SLC9B1: variants seen among roughly 807,000 people sequenced by gnomAD.
SLC9B1 encodes the protein sodium/hydrogen exchanger 9B1.
In SLC9B1, 32 loss-of-function variants were observed where a neutral mutation model predicts 51.7. That is an observed-to-expected ratio of 0.62 (90% CI 0.47 to 0.83). The LOEUF is 0.83. SLC9B1 is among the 40% of genes least tolerant of loss of function. The pLI is 0.00. For missense variants in SLC9B1, 406 were observed against 613.2 expected, an observed-to-expected ratio of 0.66 and a Z score of 3.57; for synonymous variants, 145 against 212.7, an observed-to-expected ratio of 0.68 and a Z score of 2.77.
intron 1 of SLC9B1, among the ~76,000 whole-genome samples, chr4:103,014,634 CATAGTAT>C (rs1741229999): frequency 1.3e-5 from 2 of 152,182 alleles, no homozygotes; most frequent in South Asian, 4.1e-4. Context: ...AATTGCCTAA[CATAGTAT>C]ATAGTAGATA....
intron 1 of SLC9B1, among the ~76,000 whole-genome samples, chr4:103,004,458 T>C (rs946372174): frequency 6.6e-6 from 1 of 152,166 alleles, no homozygotes; most frequent in Non-Finnish European, 1.5e-5. Context: ...CTACAACTCA[T>C]CTATGTCCCA....
intron 1 of SLC9B1, among the ~76,000 whole-genome samples, chr4:103,016,012 T>C (rs1444799085): frequency 1.3e-5 from 2 of 151,464 alleles, no homozygotes; most frequent in South Asian, 4.2e-4. Flanking sequence ...TGTGCGCCTG[T>C]AATCCCAGCT....
intron 3 of SLC9B1, among the ~76,000 whole-genome samples, chr4:102,977,642 A>AT (rs1003018401): frequency 2.6e-5 from 4 of 152,070 alleles, no homozygotes; most frequent in Admixed American, 1.3e-4. Flanking sequence ...CACTAGTACA[A>AT]TTTTTTTCTA....
At chr4:102,913,247 A>G (rs1184709360) in intron 7 of SLC9B1, among the ~76,000 whole-genome samples, 1 of 152,216 alleles carries the variant, frequency 6.6e-6, no homozygotes, top group African/African-American at 2.4e-5. Context: ...CCCAACTGGC[A>G]TACTTTGGAT....
chr4:102,907,371 A>G (rs559826465), intron 9 of SLC9B1, among the ~76,000 whole-genome samples: 60 of 152,352 alleles, frequency 3.9e-4, no homozygotes, highest in Admixed American at 2.7e-3. Context: ...CTGGAACTCA[A>G]TCCCATTAAA....
At chr4:102,924,389 T>C (rs199828820) in intron 7 of SLC9B1, among the ~76,000 whole-genome samples, 3 of 152,046 alleles carry the variant, frequency 2.0e-5, no homozygotes, top group African/African-American at 7.2e-5. Flanking sequence ...TTCCTTACAC[T>C]TTATATAAAA....
chr4:102,886,002 C>T (rs1363413466), intron 11 of SLC9B1, among the ~76,000 whole-genome samples: 1 of 152,108 alleles, frequency 6.6e-6, no homozygotes. Flanking sequence ...GTTTCTTGTA[C>T]TTGATCATAG....
chr4:102,930,549 T>G (rs1224783573), intron 7 of SLC9B1, among the ~76,000 whole-genome samples: 1 of 152,170 alleles, frequency 6.6e-6, no homozygotes, highest in African/African-American at 2.4e-5. Context: ...GGATTACAGA[T>G]GCCCACCACC....
At chr4:102,965,311 G>C (rs1738365501) in intron 3 of SLC9B1, among the ~76,000 whole-genome samples, 1 of 152,088 alleles carries the variant, frequency 6.6e-6, no homozygotes, top group Non-Finnish European at 1.5e-5. Flanking sequence ...TCTGGTGAGG[G>C]CTTTAGTAGT....
intron 3 of SLC9B1, among the ~76,000 whole-genome samples, chr4:102,965,784 T>A (rs145956514): frequency 3.4e-5 from 5 of 147,818 alleles, no homozygotes; most frequent in Non-Finnish European, 3.0e-5. Flanking sequence ...TGTAAAATAA[T>A]AAAAAAAAAA....
chr4:103,000,830 C>A (rs547792755), intron 1 of SLC9B1, among the ~76,000 whole-genome samples: 1 of 152,198 alleles, frequency 6.6e-6, no homozygotes, highest in Admixed American at 6.5e-5. Context: ...AATGGATCTA[C>A]CATTCTGGTG....
intron 1 of SLC9B1, among the ~76,000 whole-genome samples, chr4:103,006,447 G>A (rs549996339): frequency 6.6e-5 from 10 of 152,152 alleles, no homozygotes; most frequent in African/African-American, 2.4e-4. Flanking sequence ...GAACCAGGAA[G>A]AAATTAAAAT....
At chr4:102,918,153 T>G (rs1043470758) in intron 7 of SLC9B1, among the ~76,000 whole-genome samples, 2 of 93,666 alleles carry the variant, frequency 2.1e-5, no homozygotes, top group African/African-American at 8.3e-5. Flanking sequence ...AATTGACAAA[T>G]AATCAGCTAG....
intron 1 of SLC9B1, among the ~76,000 whole-genome samples, chr4:103,001,539 C>T (rs1249862126): frequency 6.6e-6 from 1 of 152,194 alleles, no homozygotes; most frequent in Non-Finnish European, 1.5e-5. Flanking sequence ...AGTCTCTTTG[C>T]TAAAGCACAG....
Position 102,984,968 on chromosome 4 carries a change from A to C in SLC9B1, c.211+4832T>G, listed in dbSNP as rs548798749. ...GTAGCTGGGACTAAAGATGCATACC[A>C]ATGAGCCTGGCTTGACTCACGTATT... On this transcript the variant is annotated intron_variant, in intron 3 of 11. Coordinates refer to ENST00000296422, the MANE Select transcript of SLC9B1 (RefSeq NM_139173.4). 8.5e-5 allele frequency among the ~76,000 whole-genome samples: 13 copies of C among 152,294 alleles called. No individual in the cohort carries two copies. The East Asian group carries it at 2.5e-3, about 29-fold the overall frequency.
chr4:102,934,723 G>A (rs1475712832), intron 6 of SLC9B1, among the ~76,000 whole-genome samples: 4 of 143,930 alleles, frequency 2.8e-5, no homozygotes, highest in Non-Finnish European at 3.0e-5. Context: ...CTGAGATCAC[G>A]CCACTGCACT....
downstream of SLC9B1, chr4:102,897,172 A>G (rs952778930): frequency 1.3e-5 from 2 of 153,232 alleles, no homozygotes; most frequent in Non-Finnish European, 2.9e-5. Context: ...TTGTGTGCAA[A>G]TTTGAAAAGA....
At position 103,008,233 on chromosome 4, in the gene SLC9B1, T is replaced by C. The variant is rs56254724; in HGVS notation, c.-2+11366A>G. ...CAAAAGCTATGGTATTTAAAACTTATTAGAAGTCTGTACTGCTGTTATATT... is the reference window on the plus strand; with the variant it reads ...CAAAAGCTATGGTATTTAAAACTTACTAGAAGTCTGTACTGCTGTTATATT... On this transcript the variant is annotated intron_variant, in intron 1 of 11. Coordinates refer to ENST00000296422, the MANE Select transcript of SLC9B1 (RefSeq NM_139173.4). Among the ~76,000 whole-genome samples the C allele has an allele frequency of 5.0e-3, 762 of 152,324 alleles. 1 individual carries two copies. Among genetic ancestry groups the C allele is most frequent in the Non-Finnish European group, 7.9e-3 (536 of 68,016 alleles).
intron 1 of SLC9B1, among the ~76,000 whole-genome samples, chr4:102,994,807 A>C (rs755760082): frequency 2.6e-5 from 4 of 152,086 alleles, no homozygotes; most frequent in Non-Finnish European, 4.4e-5. Context: ...AAATCATCAG[A>C]TCTCATGACG....
Sources: allele counts gnomAD v4.1 joint callset (sites outside exome capture counted in the v4.1 genomes callset), GRCh38; gene constraint gnomAD v4.1.1; transcripts MANE v1.5; gene names NCBI Gene and HGNC (gene_info 2026-07-23, HGNC 2026-07-21).